The following UPRT variants were observed in gnomAD, a reference collection of about 807,000 sequenced individuals.
UPRT encodes the protein uracil phosphoribosyltransferase homolog.
Under a neutral mutation model 22.6 loss-of-function variants are expected in UPRT, and 5 were observed. The observed-to-expected ratio is 0.22, with a 90% CI of 0.12 to 0.47. The LOEUF is 0.47. Ranked by LOEUF, UPRT falls within the 20% of genes least tolerant of loss-of-function variation. The pLI is 0.99. For missense variants in UPRT, 181 were observed against 239.9 expected, an observed-to-expected ratio of 0.75 and a Z score of 1.62; for synonymous variants, 77 against 87.7, an observed-to-expected ratio of 0.88 and a Z score of 0.68.
intron 4 of UPRT, among the ~76,000 whole-genome samples, chrX:75,236,740 A>G (rs2082466374): frequency 2.7e-5 from 3 of 112,668 alleles, no homozygotes; most frequent in Admixed American, 1.9e-4. Context: ...AAAACTGGCT[A>G]GCCAGATGTA....
At chrX:75,237,146 A>G (rs1449944925) in intron 4 of UPRT, among the ~76,000 whole-genome samples, 3 of 112,502 alleles carry the variant, frequency 2.7e-5, no homozygotes, top group Non-Finnish European at 3.7e-5. Flanking sequence ...AAGGACATGA[A>G]CAGATACTTC....
chrX:75,247,900 G>A lies in UPRT; in HGVS notation c.-446-43124G>A, dbSNP rs756971142. ...CTTCCAGAGGAACGATCAGGCAGCA[G>A]CATTTGTGGTTCACCAATATCCGCT... On this transcript the variant is annotated intron_variant, in intron 4 of 13. Transcript: ENST00000652605. 8.9e-5 allele frequency among the ~76,000 whole-genome samples: 10 copies of A among 111,879 alleles called. No individual in the cohort carries two copies. In the East Asian group the frequency reaches 2.5e-3, roughly 28 times the overall value.
Position 75,303,595 on chromosome X carries a change from G to A in UPRT, c.*84G>A. On this transcript the variant is annotated 3_prime_UTR_variant, in exon 7 of 7. Coordinates refer to ENST00000373383, the MANE Select transcript of UPRT (RefSeq NM_145052.4). ...TTGTTTTACTGATTCACTTGAGGGT[G>A]GCAGAGAAAAATGTGTTAAAATGCT... The A allele has an allele frequency of 1.2e-6, 1 of 808,238 alleles. No homozygotes were observed. The highest frequency in any genetic ancestry group is 1.7e-6 in the Non-Finnish European group (1 of 577,136). 66.6% of individuals were successfully genotyped at this position (808,238 alleles called of 1,213,427 possible).
At chrX:75,177,683 C>A (rs2082252979) in intron 4 of UPRT, among the ~76,000 whole-genome samples, 1 of 111,567 alleles carries the variant, frequency 9.0e-6, no homozygotes, top group South Asian at 3.7e-4. Context: ...CTCCCCATAT[C>A]CTAGCTGCAG....
In UPRT at chrX:75,206,419, T is replaced by C. The variant is rs2082367102; in HGVS notation, c.-447+38540T>C. ...GTTTGAGTGCAAAGGGGACATGCCTTAGTAATATCTTTGAGATTGGCAGCC... is the reference window on the plus strand; with the variant it reads ...GTTTGAGTGCAAAGGGGACATGCCTCAGTAATATCTTTGAGATTGGCAGCC... On this transcript the variant is annotated intron_variant, in intron 4 of 13. Coordinates refer to the UPRT transcript ENST00000652605. 3.6e-5 allele frequency among the ~76,000 whole-genome samples: 4 copies of C among 110,735 alleles called. No homozygotes were observed. In the South Asian group the frequency reaches 1.6e-3, roughly 43 times the overall value.
At chrX:75,190,539 G>T (rs1316202712) in intron 4 of UPRT, among the ~76,000 whole-genome samples, 1 of 111,640 alleles carries the variant, frequency 9.0e-6, no homozygotes, top group Non-Finnish European at 1.9e-5. Flanking sequence ...TGCTAGATTG[G>T]GGAAGTTCTC....
chrX:75,174,154 C>T, intron 4 of UPRT, among the ~76,000 whole-genome samples: 1 of 112,077 alleles, frequency 8.9e-6, no homozygotes, highest in Non-Finnish European at 1.9e-5. Flanking sequence ...AGCACACTGT[C>T]ACCTCTCAAT....
chrX:75,201,093 A>G (rs1177180605), intron 4 of UPRT, among the ~76,000 whole-genome samples: 2 of 112,496 alleles, frequency 1.8e-5, no homozygotes, highest in African/African-American at 3.2e-5. Context: ...TGTAATTTCT[A>G]TTTGGAGCTA....
At chrX:75,163,200 T>A (rs2082204793) in exon 3 of UPRT, among the ~76,000 whole-genome samples, 1 of 111,764 alleles carries the variant, frequency 8.9e-6, no homozygotes, top group South Asian at 3.8e-4. Context: ...GATCCTCAGA[T>A]CCTTGCCACG....
rs947908378 is a variant in UPRT, at chrX:75,187,811, G to A, written c.-447+19932G>A. ...CTGATACCCTTTCTTCCAGTTGACC[G>A]CATCAGCTCCTGAGGCTTCTGCATT... On this transcript the variant is annotated intron_variant, in intron 4 of 13. Coordinates refer to the UPRT transcript ENST00000652605. Among the ~76,000 whole-genome samples the A allele has an allele frequency of 1.2e-4, 13 of 111,629 alleles. No homozygotes were observed. In the South Asian group the frequency reaches 2.7e-3, roughly 23 times the overall value.
intron 4 of UPRT, among the ~76,000 whole-genome samples, chrX:75,185,612 G>C (rs1186878263): frequency 1.8e-5 from 2 of 111,920 alleles, no homozygotes; most frequent in Non-Finnish European, 3.8e-5. Flanking sequence ...GTTCCTCCTT[G>C]TACCTCTGGT....
chrX:75,212,508 T>G (rs2082382742), intron 4 of UPRT, among the ~76,000 whole-genome samples: 1 of 111,853 alleles, frequency 8.9e-6, no homozygotes, highest in Admixed American at 9.5e-5. Flanking sequence ...ATACCAGCAC[T>G]ATTCACAATA....
At chrX:75,284,650 G>A (rs1418151302) in intron 1 of UPRT, among the ~76,000 whole-genome samples, 18 of 111,782 alleles carry the variant, frequency 1.6e-4, no homozygotes, top group South Asian at 3.8e-4. Context: ...GATGTGAACC[G>A]CCTATGGGTC....
At chrX:75,248,122 C>T (rs773481624) in intron 4 of UPRT, among the ~76,000 whole-genome samples, 6 of 111,449 alleles carry the variant, frequency 5.4e-5, no homozygotes, top group Non-Finnish European at 9.4e-5. Context: ...GGAAAAACAG[C>T]GCAGAAAAAC....
At chrX:75,264,961 A>T (rs2082582600) in intron 4 of UPRT, among the ~76,000 whole-genome samples, 1 of 111,858 alleles carries the variant, frequency 8.9e-6, no homozygotes, top group Non-Finnish European at 1.9e-5. Context: ...GCTGATATGA[A>T]ATTCTGGGTT....
chrX:75,274,689 G>T, intron 1 of UPRT, 49 bp downstream of exon 1: 1 of 1,136,834 alleles, frequency 8.8e-7, no homozygotes, highest in Non-Finnish European at 1.2e-6. Context: ...CTTGCAGGCT[G>T]TGGGCGGGGA....
At chrX:75,300,025 G>A in intron 5 of UPRT, 129 bp downstream of exon 5, 1 of 771,790 alleles carries the variant, frequency 1.3e-6, no homozygotes, top group Non-Finnish European at 1.8e-6. Context: ...TGGGAAAACT[G>A]CCCCAGGCAG....
chrX:75,173,483 G>C (rs1451109122), intron 4 of UPRT, among the ~76,000 whole-genome samples: 1 of 112,450 alleles, frequency 8.9e-6, no homozygotes, highest in Non-Finnish European at 1.9e-5. Flanking sequence ...CCTTGAGCTA[G>C]ATATAAAGAC....
At chrX:75,269,896 T>C (rs867569633), upstream of UPRT, among the ~76,000 whole-genome samples, 47 of 111,500 alleles carry the variant, frequency 4.2e-4, no homozygotes, top group African/African-American at 1.3e-3. Context: ...AAAGCCAAAA[T>C]GGACAAATGA....
Sources: allele counts gnomAD v4.1 joint callset (sites outside exome capture counted in the v4.1 genomes callset), GRCh38; gene constraint gnomAD v4.1.1; transcripts MANE v1.5; gene names NCBI Gene and HGNC (gene_info 2026-07-23, HGNC 2026-07-21).